BNC2: variants seen among roughly 807,000 people sequenced by gnomAD.
BNC2 encodes zinc finger protein basonuclin-2.
A neutral mutation model predicts 76.3 loss-of-function variants in BNC2; 20 were observed. The observed-to-expected ratio is 0.26, with a 90% CI of 0.18 to 0.38. BNC2 has a LOEUF of 0.38. Among genes scored for constraint, BNC2 ranks in the 10% least tolerant of loss-of-function variants. The pLI is 1.00. For missense variants in BNC2, 1,382 were observed against 1,399.8 expected (o/e 0.99, Z 0.20); for synonymous variants, 582 against 514.8 (o/e 1.13, Z -1.77).
Position 16,848,560 on chromosome 9 carries a change from C to G in BNC2, c.3+22086G>C, listed in dbSNP as rs978931504. ...CCCTCCAAAGACACTGTTAATTACG[C>G]CCTCAGGTTTTGGTCCAGCAGAACT... On this transcript the variant is annotated intron_variant, in intron 1 of 6. Transcript: ENST00000380672. Among the ~76,000 whole-genome samples, 3 of 152,138 alleles carry G rather than the reference C, an allele frequency of 2.0e-5. No homozygotes were observed. In the South Asian group the frequency reaches 6.2e-4, roughly 32 times the overall value.
rs1337776847 is a variant in BNC2 at position 16,418,567 on chromosome 9, T to C, written c.*422A>G. 9 of 158,532 alleles carry C rather than the reference T, an allele frequency of 5.7e-5. No homozygotes were observed. Among genetic ancestry groups the C allele is most frequent in the East Asian group, 1.9e-4 (1 of 5,378 alleles). The allele number at this position is 158,532 out of a possible 1,614,324, so 9.8% of individuals were successfully genotyped here. A position where few individuals can be genotyped will look rare whatever the true frequency, so the allele number is the denominator to read the frequency against. ...CTTTTTGTTTCTTTTTTCTTTTTTTTCCCTTTTATTTTTGCAGGCAACAGT... is the reference window on the plus strand; with the variant it reads ...CTTTTTGTTTCTTTTTTCTTTTTTTCCCCTTTTATTTTTGCAGGCAACAGT... On this transcript the variant is annotated 3_prime_UTR_variant, in exon 7 of 7. Transcript: ENST00000380672.
intron 3 of BNC2, among the ~76,000 whole-genome samples, chr9:16,724,851 T>C (rs1444165966): frequency 6.6e-6 from 1 of 152,152 alleles, no homozygotes; most frequent in South Asian, 2.1e-4. Flanking sequence ...TGGTAAATTA[T>C]CTGTAACTCA....
At chr9:16,669,839 C>T (rs546867910) in intron 3 of BNC2, among the ~76,000 whole-genome samples, 1 of 152,152 alleles carries the variant, frequency 6.6e-6, no homozygotes, top group African/African-American at 2.4e-5. Flanking sequence ...GAAGCAAAAA[C>T]GTGTTAGAAA....
chr9:16,511,863 C>T (rs1361973953), intron 5 of BNC2, among the ~76,000 whole-genome samples: 1 of 152,128 alleles, frequency 6.6e-6, no homozygotes, highest in Non-Finnish European at 1.5e-5. Flanking sequence ...GGCCATCACA[C>T]TAAAGGATTT....
chr9:16,675,900 T>C (rs914285405), intron 3 of BNC2, among the ~76,000 whole-genome samples: 2 of 152,070 alleles, frequency 1.3e-5, no homozygotes, highest in African/African-American at 4.8e-5. Context: ...AAATTTTGTA[T>C]TTTAAAATAC....
chr9:16,749,932 T>A (rs1825138000), intron 1 of BNC2, among the ~76,000 whole-genome samples: 1 of 152,106 alleles, frequency 6.6e-6, no homozygotes, highest in Non-Finnish European at 1.5e-5. Context: ...AGGGGATTTG[T>A]TTGTATTCAA....
At chr9:16,495,353 G>A (rs1822365491) in intron 5 of BNC2, among the ~76,000 whole-genome samples, 1 of 152,190 alleles carries the variant, frequency 6.6e-6, no homozygotes, top group Non-Finnish European at 1.5e-5. Flanking sequence ...GTGAGATCAT[G>A]CCATGAACTC....
At position 16,436,290 on chromosome 9, in the gene BNC2, T is replaced by C. The variant is rs2130853924; in HGVS notation, c.1904A>G (p.Lys635Arg). The change falls in exon 6 of 7, where the codon AAG becomes AGG. Residue 635 changes from lysine to arginine, a missense_variant. Transcript: ENST00000380672. ...ADLAPKKKPRKSSMPVKIEKE... is the reference protein window; with the variant it reads ...ADLAPKKKPRRSSMPVKIEKE... ...CTCAATCTTCACAGGCATGCTTGAC[T>C]TCCTGGGCTTTTTCTTGGGTGCCAG... 1 of 1,614,150 alleles carries C rather than the reference T, an allele frequency of 6.2e-7. No individual in the cohort carries two copies. The highest frequency in any genetic ancestry group is 1.1e-5 in the South Asian group (1 of 91,080).
chr9:16,743,718 T>A (rs370356674), intron 1 of BNC2, among the ~76,000 whole-genome samples: 2 of 152,116 alleles, frequency 1.3e-5, no homozygotes, highest in Admixed American at 1.3e-4. Flanking sequence ...AGGTTTGGGG[T>A]TCTTTCCATT....
intron 1 of BNC2, among the ~76,000 whole-genome samples, chr9:16,788,483 G>A (rs766227964): frequency 1.3e-5 from 2 of 151,228 alleles, no homozygotes; most frequent in African/African-American, 2.4e-5. Flanking sequence ...AACCCAGGAG[G>A]CGGAGCTTGC....
intron 1 of BNC2, among the ~76,000 whole-genome samples, chr9:16,837,239 C>T (rs1384980553): frequency 5.3e-5 from 8 of 152,210 alleles, no homozygotes. Flanking sequence ...GGCTTGGTGG[C>T]TCATGCCTGT....
chr9:16,444,437 G>A (rs1821191127), intron 5 of BNC2, among the ~76,000 whole-genome samples: 1 of 151,990 alleles, frequency 6.6e-6, no homozygotes, highest in South Asian at 2.1e-4. Flanking sequence ...ATCCGCCTTT[G>A]CTTGCCTACA....
rs182485161 is a variant in BNC2 at position 16,427,296 on chromosome 9, G to A, written c.2640-7647C>T. 2.0e-5 allele frequency among the ~76,000 whole-genome samples: 3 copies of A among 152,230 alleles called. No homozygotes were observed. In the East Asian group the frequency reaches 5.8e-4, roughly 29 times the overall value. ...ATGGCCAACAGGCAGAAGCAAAATT[G>A]GTCAAAAAGTTGGCTGCTGCTGTCA... On this transcript the variant is annotated intron_variant, in intron 6 of 6. Coordinates refer to ENST00000380672, the MANE Select transcript of BNC2 (RefSeq NM_017637.6).
chr9:16,629,543 C>A (rs565112622), intron 3 of BNC2, among the ~76,000 whole-genome samples: 41 of 152,222 alleles, frequency 2.7e-4, no homozygotes, highest in Non-Finnish European at 3.7e-4. Flanking sequence ...TGGATAAAGG[C>A]AGACAGCAGA....
chr9:16,780,015 T>C (rs1826082740), intron 1 of BNC2, among the ~76,000 whole-genome samples: 1 of 151,742 alleles, frequency 6.6e-6, no homozygotes, highest in Non-Finnish European at 1.5e-5. Context: ...GGCGGGCGGA[T>C]CACAAGGTCA....
rs866662120 is a variant in BNC2, at chr9:16,418,838, G to A, written c.*151C>T. On this transcript the variant is annotated 3_prime_UTR_variant, in exon 7 of 7. Transcript: ENST00000380672. ...TATCTTGTTTATCTCAAGGAAATACGTGTGTGTATATGTAGCCACAGAGCA... is the reference window on the plus strand; with the variant it reads ...TATCTTGTTTATCTCAAGGAAATACATGTGTGTATATGTAGCCACAGAGCA... The A allele has an allele frequency of 1.3e-5, 11 of 826,362 alleles. No individual in the cohort carries two copies. Among genetic ancestry groups the A allele is most frequent in the South Asian group, 3.2e-5 (2 of 61,746 alleles). The allele number at this position is 826,362 out of a possible 1,614,324, so 51.2% of individuals were successfully genotyped here.
At position 16,411,207 on chromosome 9, in the gene BNC2, A is replaced by G. The variant is rs923122225; in HGVS notation, c.*7782T>C. 2 of 152,658 alleles carry G rather than the reference A, an allele frequency of 1.3e-5. No homozygotes were observed. Among genetic ancestry groups the G allele is most frequent in the African/African-American group, 4.8e-5 (2 of 41,456 alleles). The allele number at this position is 152,658 out of a possible 1,614,324, so 9.5% of individuals were successfully genotyped here. On this transcript the variant is annotated 3_prime_UTR_variant, in exon 7 of 7. Coordinates refer to ENST00000380672, the MANE Select transcript of BNC2 (RefSeq NM_017637.6). ...TGCATTCCATGACAGAAGTGGGCAG[A>G]GCCAGTTAATAATTGATGGATTTGC...
chr9:16,575,125 C>A (rs1819445329), intron 4 of BNC2: 1 of 305,218 alleles, frequency 3.3e-6, no homozygotes, highest in South Asian at 1.3e-4. Flanking sequence ...TATCATCACT[C>A]ACATTTCACA....
rs1003036297 is a variant in BNC2, at chr9:16,685,366, C to A, written c.330+42431G>T. ...CTTGACTGAACAGACAAATGATCTA[C>A]AGTTACAGACAACGCATCCTGAAAA... On this transcript the variant is annotated intron_variant, in intron 3 of 6. Transcript: ENST00000380672. Among the ~76,000 whole-genome samples the A allele has an allele frequency of 1.6e-4, 25 of 152,224 alleles. 1 individual carries two copies. Among genetic ancestry groups the A allele is most frequent in the African/African-American group, 4.8e-4 (20 of 41,452 alleles).
Sources: allele counts gnomAD v4.1 joint callset (sites outside exome capture counted in the v4.1 genomes callset), GRCh38; gene constraint gnomAD v4.1.1; transcripts MANE v1.5; gene names NCBI Gene and HGNC (gene_info 2026-07-23, HGNC 2026-07-21).